Variants in PCDHA8 observed in about 807,000 individuals in gnomAD.
PCDHA8 encodes the protein protocadherin alpha-8.
In PCDHA8, 53 loss-of-function variants were observed where a neutral mutation model predicts 61.8. That is an observed-to-expected ratio of 0.86 (90% CI 0.69 to 1.08). The LOEUF is 1.08. Among genes scored for constraint, PCDHA8 ranks in the 50% least tolerant of loss-of-function variants. The pLI is 0.00. For missense variants in PCDHA8, 1,293 were observed against 1,245.0 expected, an observed-to-expected ratio of 1.04 and a Z score of -0.58; for synonymous variants, 618 against 556.6, an observed-to-expected ratio of 1.11 and a Z score of -1.55.
At chr5:140,977,141 C>T (rs1264237183) in intron 1 of PCDHA8, among the ~76,000 whole-genome samples, 1 of 152,204 alleles carries the variant, frequency 6.6e-6, no homozygotes, top group Non-Finnish European at 1.5e-5. Flanking sequence ...GTCAGTCCTG[C>T]TGGAACTGTG....
intron 1 of PCDHA8, chr5:140,850,158 G>C: frequency 6.3e-7 from 1 of 1,595,230 alleles, no homozygotes; most frequent in Non-Finnish European, 8.6e-7. Flanking sequence ...GCAGGTGTTC[G>C]TGCTGGACGA....
At chr5:140,911,339 A>G (rs2075428336) in intron 1 of PCDHA8, among the ~76,000 whole-genome samples, 1 of 152,042 alleles carries the variant, frequency 6.6e-6, no homozygotes, top group Non-Finnish European at 1.5e-5. Flanking sequence ...TTTCCAATCA[A>G]TGCCCTCATT....
At chr5:140,986,181 G>A (rs531382269) in intron 3 of PCDHA8, among the ~76,000 whole-genome samples, 1 of 152,152 alleles carries the variant, frequency 6.6e-6, no homozygotes, top group Admixed American at 6.6e-5. Flanking sequence ...AACAAGTCAG[G>A]CATTAAATTG....
chr5:140,933,405 T>C (rs2089126451), intron 1 of PCDHA8, among the ~76,000 whole-genome samples: 1 of 152,062 alleles, frequency 6.6e-6, no homozygotes, highest in African/African-American at 2.4e-5. Context: ...GGTTACCATC[T>C]ACAGATATTC....
intron 3 of PCDHA8, among the ~76,000 whole-genome samples, chr5:140,989,486 A>G (rs1563557204): frequency 6.6e-6 from 1 of 152,190 alleles, no homozygotes; most frequent in African/African-American, 2.4e-5. Context: ...AGGTGCTTGA[A>G]CAAGAAAGAC....
chr5:140,859,320 G>A (rs1374549537), intron 1 of PCDHA8: 1 of 128,738 alleles, frequency 7.8e-6, no homozygotes, highest in African/African-American at 2.7e-5. Context: ...TTAAAAGTTT[G>A]AGGAGAAAAT....
chr5:140,942,680 A>C (rs2093354394), intron 1 of PCDHA8, among the ~76,000 whole-genome samples: 1 of 152,218 alleles, frequency 6.6e-6, no homozygotes, highest in African/African-American at 2.4e-5. Context: ...AAGTTTTAGG[A>C]ATAACTTTAA....
chr5:140,920,972 T>C (rs246075), intron 1 of PCDHA8, among the ~76,000 whole-genome samples: 86,063 of 151,854 alleles, frequency 0.57, 25,081 homozygotes, highest in African/African-American at 0.71. Flanking sequence ...TACTAGAGTA[T>C]AATATTGTAT....
In PCDHA8 at chr5:140,841,306, G is replaced by A. The variant is rs2150313155; in HGVS notation, c.-16G>A. 6 of 1,579,894 alleles carry A rather than the reference G, an allele frequency of 3.8e-6. No individual in the cohort carries two copies. Among genetic ancestry groups the A allele is most frequent in the South Asian group, 3.5e-5 (3 of 86,274 alleles). On this transcript the variant is annotated 5_prime_UTR_variant, in exon 1 of 4. Coordinates refer to ENST00000531613, the MANE Select transcript of PCDHA8 (RefSeq NM_018911.3). ...ATATTAAGATAATATTTTCTGATAG[G>A]AAACGACTATTTAACATGGATTATC...
chr5:140,850,116 G>A, intron 1 of PCDHA8: 1 of 1,596,102 alleles, frequency 6.3e-7, no homozygotes, highest in Non-Finnish European at 8.6e-7. Context: ...GCGCGACGCG[G>A]GCGTGCCGCC....
At chr5:140,848,969 C>T in intron 1 of PCDHA8, 2 of 1,604,404 alleles carry the variant, frequency 1.2e-6, no homozygotes, top group Non-Finnish European at 8.5e-7. Context: ...AGGGCGCGTC[C>T]GATGCAGATA....
chr5:140,975,216 G>A (rs1349439819), intron 1 of PCDHA8, among the ~76,000 whole-genome samples: 1 of 152,198 alleles, frequency 6.6e-6, no homozygotes, highest in Non-Finnish European at 1.5e-5. Context: ...TGGCACTGGA[G>A]AATCTTCCCT....
chr5:140,885,509 T>C (rs1020233501), intron 1 of PCDHA8, among the ~76,000 whole-genome samples: 36 of 152,208 alleles, frequency 2.4e-4, no homozygotes, highest in Admixed American at 1.4e-3. Flanking sequence ...TGAACCATGC[T>C]GTGCTATCAT....
intron 3 of PCDHA8, among the ~76,000 whole-genome samples, chr5:140,983,788 C>T (rs1319880543): frequency 6.6e-6 from 1 of 152,144 alleles, no homozygotes; most frequent in Non-Finnish European, 1.5e-5. Context: ...TAACAGATGA[C>T]AGAATGTGTG....
In PCDHA8 at chr5:140,842,319, A is replaced by G. The variant is rs1777874490; in HGVS notation, c.998A>G (p.His333Arg). ...AAAGGCCATCCTCCCATGGCGGGTC[A>G]TTGCACCGTTTTAGTGAGAATTTTG... ...TDKGHPPMAG[H>R]CTVLVRILDK... is the part of the protein sequence containing the mutation. Residue 333 changes from histidine to arginine, a missense_variant, in exon 1 of 4, where the codon CAT becomes CGT. Physicochemically the swap from His to Arg is conservative, Grantham distance 29. Coordinates refer to ENST00000531613, the MANE Select transcript of PCDHA8 (RefSeq NM_018911.3). The G allele has an allele frequency of 6.2e-6, 10 of 1,608,046 alleles. No homozygotes were observed. Among genetic ancestry groups the G allele is most frequent in the Non-Finnish European group, 8.5e-6 (10 of 1,174,650 alleles).
chr5:140,997,866 TG>T (rs1554256038), intron 3 of PCDHA8, among the ~76,000 whole-genome samples: 1 of 152,216 alleles, frequency 6.6e-6, no homozygotes, highest in African/African-American at 2.4e-5. Context: ...TTCTTATGCA[TG>T]CTTGCTAGTA....
intron 1 of PCDHA8, among the ~76,000 whole-genome samples, chr5:140,879,496 C>T (rs186624809): frequency 6.6e-6 from 1 of 152,204 alleles, no homozygotes; most frequent in Admixed American, 6.5e-5. Context: ...GGGTCTGGAT[C>T]TCAGAAGAGA....
In PCDHA8 at chr5:140,883,729, C is replaced by T. The variant is rs572170960; in HGVS notation, c.2394+40014C>T. 8 of 1,613,520 alleles carry T rather than the reference C, an allele frequency of 5.0e-6. No homozygotes were observed. In the African/African-American group the frequency reaches 8.0e-5, roughly 16 times the overall value. ...CTCAGGACGCGGACGCACAGGAGAA[C>T]GCGCTGGTCTCCTACTCGCTGGTGG... On this transcript the variant is annotated intron_variant, in intron 1 of 3. Coordinates refer to ENST00000531613, the MANE Select transcript of PCDHA8 (RefSeq NM_018911.3).
chr5:140,975,630 G>A (rs182087841), intron 1 of PCDHA8, among the ~76,000 whole-genome samples: 16 of 152,316 alleles, frequency 1.1e-4, no homozygotes, highest in Admixed American at 3.3e-4. Flanking sequence ...TCCATGGTAC[G>A]AAGATAGCAT....
Sources: allele counts gnomAD v4.1 joint callset (sites outside exome capture counted in the v4.1 genomes callset), GRCh38; gene constraint gnomAD v4.1.1; transcripts MANE v1.5; gene names NCBI Gene and HGNC (gene_info 2026-07-23, HGNC 2026-07-21).